PRKCH: variants seen among roughly 807,000 people sequenced by gnomAD.
The protein encoded by PRKCH is protein kinase C eta type.
A neutral mutation model predicts 82.5 loss-of-function variants in PRKCH; 28 were observed. The observed-to-expected ratio is 0.34, with a 90% confidence interval of 0.25 to 0.47. The LOEUF (loss-of-function observed/expected upper bound fraction) is 0.47. Among genes scored for constraint, PRKCH ranks in the 20% least tolerant of loss-of-function variants. The probability of loss-of-function intolerance (pLI) is 1.00; values close to 1 mark genes in which losing one functional copy is unlikely to be tolerated. For missense variants in PRKCH, 705 were observed against 881.8 expected (o/e 0.80, Z 2.54); for synonymous variants, 322 against 327.4 (o/e 0.98, Z 0.18).
Position 61,322,317 on chromosome 14 carries a change from T to C in PRKCH, c.216T>C (p.Phe72=). The C allele has an allele frequency of 1.2e-6, 2 of 1,613,168 alleles. No homozygotes were observed. The highest frequency in any genetic ancestry group is 1.7e-6 in the Non-Finnish European group (2 of 1,179,862). ...ACAAACCCACGTACAACGAGGAGTT[T>C]TGCGCTAACGTCACCGACGGCGGCC... ...KTNKPTYNEE[F]CANVTDGGHL... is the part of the protein sequence containing the mutation. Residue 72 remains phenylalanine, a synonymous_variant, in exon 1 of 14, where the codon TTT becomes TTC. Coordinates refer to ENST00000332981, the MANE Select transcript of PRKCH (RefSeq NM_006255.5).
chr14:61,264,348 TA>T (rs1456227644), intron 1 of PRKCH, among the ~76,000 whole-genome samples: 1 of 152,234 alleles, frequency 6.6e-6, no homozygotes, highest in Non-Finnish European at 1.5e-5. Context: ...TTGCCAGTCC[TA>T]AGGTTCCACT....
chr14:61,404,143 G>A (rs755877697), intron 2 of PRKCH, among the ~76,000 whole-genome samples: 7 of 152,162 alleles, frequency 4.6e-5, no homozygotes, highest in Non-Finnish European at 5.9e-5. Flanking sequence ...CCCTTCTACC[G>A]TGAAACTCGT....
intron 2 of PRKCH, 90 bp downstream of exon 2, chr14:61,391,378 G>A: frequency 5.9e-6 from 7 of 1,180,920 alleles, no homozygotes; most frequent in Non-Finnish European, 7.1e-6. Context: ...ATAAAAAAGA[G>A]CATGTTGTAA....
intron 1 of PRKCH, among the ~76,000 whole-genome samples, chr14:61,357,267 T>C (rs1487449052): frequency 6.6e-6 from 1 of 152,234 alleles, no homozygotes; most frequent in African/African-American, 2.4e-5. Flanking sequence ...TTACTGTTCT[T>C]CTTAAGGCCT....
At chr14:61,363,687 C>T (rs946436502) in intron 1 of PRKCH, among the ~76,000 whole-genome samples, 4 of 152,006 alleles carry the variant, frequency 2.6e-5, no homozygotes, top group Non-Finnish European at 5.9e-5. Flanking sequence ...GAGCCATCAC[C>T]TAGAGGTGGT....
chr14:61,232,272 C>G (rs1340861653), intron 1 of PRKCH, among the ~76,000 whole-genome samples: 1 of 152,234 alleles, frequency 6.6e-6, no homozygotes, highest in African/African-American at 2.4e-5. Context: ...GTTGCCCAGG[C>G]TGGAATGCAG....
intron 1 of PRKCH, among the ~76,000 whole-genome samples, chr14:61,390,249 C>A (rs114930120): frequency 6.6e-6 from 1 of 152,146 alleles, no homozygotes; most frequent in East Asian, 1.9e-4. Flanking sequence ...TGGGGTCTTT[C>A]GGAAACTGGA....
intron 1 of PRKCH, among the ~76,000 whole-genome samples, chr14:61,360,578 C>T (rs1335061860): frequency 6.6e-6 from 1 of 152,178 alleles, no homozygotes; most frequent in South Asian, 2.1e-4. Context: ...ATTTACATTT[C>T]TTAAAGCCAT....
intron 1 of PRKCH, among the ~76,000 whole-genome samples, chr14:61,215,344 C>A (rs79080728): frequency 0.054 from 8,273 of 152,208 alleles, 445 homozygotes; most frequent in African/African-American, 0.13. Flanking sequence ...AAGAATCCTG[C>A]CTTAAGATTG....
intron 1 of PRKCH, among the ~76,000 whole-genome samples, chr14:61,347,326 A>C (rs917742447): frequency 6.6e-6 from 1 of 152,116 alleles, no homozygotes; most frequent in Non-Finnish European, 1.5e-5. Flanking sequence ...ATGTGCTGAT[A>C]ATTTTTTTCT....
chr14:61,189,072 A>G (rs987716865), intron 1 of PRKCH, among the ~76,000 whole-genome samples: 1 of 152,228 alleles, frequency 6.6e-6, no homozygotes, highest in Admixed American at 6.5e-5. Flanking sequence ...AAAGGACAGC[A>G]CTGGGATCGA....
chr14:61,197,596 A>G (rs764410442), intron 1 of PRKCH, among the ~76,000 whole-genome samples: 1 of 152,172 alleles, frequency 6.6e-6, no homozygotes, highest in African/African-American at 2.4e-5. Flanking sequence ...ATGATAACTC[A>G]TTAAACTATT....
chr14:61,237,502 C>T (rs943073946), intron 1 of PRKCH, among the ~76,000 whole-genome samples: 5 of 152,140 alleles, frequency 3.3e-5, no homozygotes, highest in Non-Finnish European at 5.9e-5. Context: ...TGACAAGAAA[C>T]ATTTACAATC....
chr14:61,204,468 C>A (rs1451437426), intron 1 of PRKCH, among the ~76,000 whole-genome samples: 1 of 151,920 alleles, frequency 6.6e-6, no homozygotes, highest in Non-Finnish European at 1.5e-5. Context: ...AGAAAATGGT[C>A]AACAGGCCAG....
At chr14:61,419,760 T>C (rs1882737166) in intron 2 of PRKCH, among the ~76,000 whole-genome samples, 1 of 152,154 alleles carries the variant, frequency 6.6e-6, no homozygotes, top group Non-Finnish European at 1.5e-5. Context: ...GCAAAAGAGC[T>C]AAAATTAGAC....
At chr14:61,420,447 C>A (rs1033861358) in intron 2 of PRKCH, among the ~76,000 whole-genome samples, 4 of 152,218 alleles carry the variant, frequency 2.6e-5, no homozygotes, top group Non-Finnish European at 4.4e-5. Flanking sequence ...TCACCCTCAC[C>A]TGCGGGGAGA....
chr14:61,373,551 A>G (rs980938536), intron 1 of PRKCH, among the ~76,000 whole-genome samples: 1 of 151,862 alleles, frequency 6.6e-6, no homozygotes, highest in Non-Finnish European at 1.5e-5. Context: ...CCCAAATCTC[A>G]TGTCCTTCTC....
intron 10 of PRKCH, among the ~76,000 whole-genome samples, chr14:61,517,636 T>C (rs2042847025): frequency 6.6e-6 from 1 of 152,196 alleles, no homozygotes; most frequent in Admixed American, 6.5e-5. Context: ...CCCTAGAACA[T>C]TTAATAGTTT....
intron 1 of PRKCH, among the ~76,000 whole-genome samples, chr14:61,339,505 A>T (rs1452723067): frequency 6.9e-6 from 1 of 145,866 alleles, no homozygotes; most frequent in Non-Finnish European, 1.5e-5. Context: ...TTGTATTTTT[A>T]GTAGAGACGG....
Sources: gnomAD v4.1 joint callset for allele counts (sites outside exome capture counted in the v4.1 genomes callset) on GRCh38, gnomAD v4.1.1 for gene constraint, MANE v1.5 for transcripts, NCBI Gene and HGNC (gene_info 2026-07-23, HGNC 2026-07-21) for gene names.